Variants in EDARADD observed in about 807,000 individuals in gnomAD.
EDARADD encodes EDAR associated via death domain.
EDARADD carries 20 observed loss-of-function variants against 25.6 expected under a neutral mutation model. That is an observed-to-expected ratio of 0.78 (90% CI 0.55 to 1.14). EDARADD has a LOEUF of 1.14. EDARADD is among the 50% of genes most tolerant of loss of function. The pLI, the probability that EDARADD is intolerant of heterozygous loss-of-function variation, is 0.00. For missense variants in EDARADD, 225 were observed against 270.1 expected, an observed-to-expected ratio of 0.83 and a Z score of 1.17; for synonymous variants, 86 against 94.4, an observed-to-expected ratio of 0.91 and a Z score of 0.52.
intron 4 of EDARADD, among the ~76,000 whole-genome samples, chr1:236,433,449 C>T (rs1361846361): frequency 2.6e-5 from 4 of 151,442 alleles, no homozygotes; most frequent in Non-Finnish European, 4.4e-5. Context: ...CAGCTGGGAT[C>T]ACAGGCACCC....
intron 4 of EDARADD, among the ~76,000 whole-genome samples, chr1:236,436,153 T>A (rs188872686): frequency 0.023 from 3,398 of 149,422 alleles, 134 homozygotes; most frequent in African/African-American, 0.079. Flanking sequence ...AAAAAAAAAA[T>A]GTCTTTCTTT....
At chr1:236,372,034 G>T (rs1667178508) in intron 3 of EDARADD, among the ~76,000 whole-genome samples, 1 of 152,088 alleles carries the variant, frequency 6.6e-6, no homozygotes, top group South Asian at 2.1e-4. Flanking sequence ...TCGGCTCACT[G>T]CAGCCTCTGA....
rs117782470 is a variant in EDARADD at position 236,462,336 on chromosome 1, A to G, written c.220-5895A>G. 6.6e-5 allele frequency among the ~76,000 whole-genome samples: 10 copies of G among 151,994 alleles called. No homozygotes were observed. The East Asian group carries it at 1.9e-3, about 29-fold the overall frequency. Reference sequence around the variant, plus strand: ...TCCTGATATCAGAAGATCAGATCTTATGAGTACACAGCTGAGGTTTTGGGT... The same window carrying G: ...TCCTGATATCAGAAGATCAGATCTTGTGAGTACACAGCTGAGGTTTTGGGT... On this transcript the variant is annotated intron_variant, in intron 4 of 5. Coordinates refer to ENST00000334232, the MANE Select transcript of EDARADD (RefSeq NM_145861.4).
chr1:236,429,970 A>G (rs1301215918), intron 4 of EDARADD, among the ~76,000 whole-genome samples: 1 of 152,224 alleles, frequency 6.6e-6, no homozygotes, highest in Non-Finnish European at 1.5e-5. Flanking sequence ...TTAATTTGTA[A>G]CAAGTTTTGC....
At chr1:236,349,549 G>T (rs978468269) in intron 2 of EDARADD, among the ~76,000 whole-genome samples, 5 of 151,906 alleles carry the variant, frequency 3.3e-5, no homozygotes, top group Non-Finnish European at 7.4e-5. Flanking sequence ...TGGCGGGGGT[G>T]GGGGTGCTTC....
chr1:236,398,154 T>C lies in EDARADD; in HGVS notation c.61+3649T>C, dbSNP rs1413548609. Among the ~76,000 whole-genome samples, 1 of 152,154 alleles carries C rather than the reference T, an allele frequency of 6.6e-6. No homozygotes were observed. The highest frequency in any genetic ancestry group is 1.9e-4 in the East Asian group (1 of 5,196). ...TATTATTATTTTTCAAGATGGAGTC[T>C]CACTCTGTCACCCAGGCTGGAGTGC... On this transcript the variant is annotated intron_variant, in intron 1 of 5. Transcript: ENST00000334232. The surrounding 1 kb of genome is among the most constrained non-coding windows in gnomAD (Gnocchi z 4.1).
chr1:236,414,186 A>C (rs1416969206), intron 2 of EDARADD, 74 bp from the exon 3 acceptor site: 1 of 1,344,140 alleles, frequency 7.4e-7, no homozygotes, highest in Non-Finnish European at 1.1e-6. Context: ...AACTTTCCCA[A>C]GACAAAGCTT....
chr1:236,456,054 A>G (rs113713459), intron 4 of EDARADD, among the ~76,000 whole-genome samples: 220 of 152,110 alleles, frequency 1.4e-3, no homozygotes, highest in African/African-American at 3.9e-3. Flanking sequence ...CTCCCAAAGT[A>G]CAGGGATTAT....
chr1:236,478,478 A>G (rs866039374), intron 5 of EDARADD, among the ~76,000 whole-genome samples: 7 of 151,162 alleles, frequency 4.6e-5, no homozygotes, highest in Middle Eastern at 3.5e-3. Flanking sequence ...GTATATATAT[A>G]TGTGTATATA....
chr1:236,451,255 C>G (rs1658704098), intron 4 of EDARADD, among the ~76,000 whole-genome samples: 1 of 152,306 alleles, frequency 6.6e-6, no homozygotes, highest in East Asian at 1.9e-4. Context: ...TCACCTGGAG[C>G]TGGTTCCCAA....
At chr1:236,424,494 A>G (rs607577) in intron 3 of EDARADD, among the ~76,000 whole-genome samples, 91,883 of 151,708 alleles carry the variant, frequency 0.61, 29,168 homozygotes, top group Non-Finnish European at 0.7. Flanking sequence ...GTTTCTTTTT[A>G]TCTTTCTTTC....
intron 3 of EDARADD, among the ~76,000 whole-genome samples, chr1:236,372,609 A>G (rs1470731374): frequency 6.6e-6 from 1 of 152,294 alleles, no homozygotes; most frequent in East Asian, 1.9e-4. Flanking sequence ...CTCCACTGCT[A>G]TCTTCTGGAA....
chr1:236,362,422 G>A (rs147187048), intron 3 of EDARADD, among the ~76,000 whole-genome samples: 21 of 152,268 alleles, frequency 1.4e-4, no homozygotes, highest in African/African-American at 4.6e-4. Context: ...CAAGTTTTGC[G>A]AGATATTTAT....
intron 3 of EDARADD, among the ~76,000 whole-genome samples, chr1:236,357,836 C>T (rs1666998406): frequency 6.6e-6 from 1 of 151,642 alleles, no homozygotes; most frequent in African/African-American, 2.4e-5. Flanking sequence ...TATATTCAAA[C>T]TATATCACCA....
chr1:236,464,538 T>G (rs1292494282), intron 4 of EDARADD, among the ~76,000 whole-genome samples: 1 of 150,562 alleles, frequency 6.6e-6, no homozygotes, highest in Non-Finnish European at 1.5e-5. Flanking sequence ...GTTCAGGTGA[T>G]TCTCCTGCCT....
Position 236,395,812 on chromosome 1 carries a change from C to G in EDARADD, c.61+1307C>G. The stretch of plus-strand genomic sequence containing the variant: ...ACCACCCCCGACCCAGGCGCCAGAC[C>G]CGGAGTCGCACGGGGCTCCCAGTCC... On this transcript the variant is annotated intron_variant, in intron 1 of 5. Coordinates refer to ENST00000334232, the MANE Select transcript of EDARADD (RefSeq NM_145861.4). This position sits in a 1 kb window ranked among gnomAD's most constrained non-coding sequence, Gnocchi z 6.9. 1.5e-6 allele frequency: 1 copy of G among 672,248 alleles called. No individual in the cohort carries two copies. Among genetic ancestry groups the G allele is most frequent in the South Asian group, 2.4e-5 (1 of 41,732 alleles). 41.6% of individuals were successfully genotyped at this position (672,248 alleles called of 1,614,324 possible).
intron 1 of EDARADD, among the ~76,000 whole-genome samples, chr1:236,407,339 A>G (rs931863742): frequency 1.3e-5 from 2 of 152,120 alleles, no homozygotes; most frequent in East Asian, 1.9e-4. Flanking sequence ...ATCCTGCTCC[A>G]TGGGAGGCAA....
At chr1:236,391,850 C>G (rs920670349), upstream of EDARADD, among the ~76,000 whole-genome samples, 2 of 152,164 alleles carry the variant, frequency 1.3e-5, no homozygotes, top group African/African-American at 2.4e-5. Flanking sequence ...TCCACACTTA[C>G]GGCTGCAGCC....
At position 236,484,877 on chromosome 1, in the gene EDARADD, A is replaced by C. The variant is rs1659789735; in HGVS notation, c.*2228A>C. The C allele has an allele frequency of 6.1e-6, 1 of 162,610 alleles. No homozygotes were observed. The highest frequency in any genetic ancestry group is 5.9e-5 in the Admixed American group (1 of 17,076). 10.1% of individuals were successfully genotyped at this position (162,610 alleles called of 1,614,324 possible). On this transcript the variant is annotated 3_prime_UTR_variant, in exon 6 of 6. Coordinates refer to ENST00000334232, the MANE Select transcript of EDARADD (RefSeq NM_145861.4). The surrounding 1 kb of genome is among the most constrained non-coding windows in gnomAD (Gnocchi z 4.1). ...AAGATCCCCAGTGATTTTGTGCTCA[A>C]AATAAAAAGCCTCATTGACCCATGA...
Sources: gnomAD v4.1 joint callset for allele counts (sites outside exome capture counted in the v4.1 genomes callset) on GRCh38, gnomAD v4.1.1 for gene constraint, Gnocchi (gnomAD v3.1) non-coding constraint, MANE v1.5 for transcripts, NCBI Gene and HGNC (gene_info 2026-07-23, HGNC 2026-07-21) for gene names.